Variants in SPIRE2 observed in about 807,000 individuals in gnomAD.
SPIRE2 encodes the protein spire type actin nucleation factor 2, also known as protein spire homolog 2.
In SPIRE2, 76 loss-of-function variants were observed where a neutral mutation model predicts 80.7. The observed-to-expected ratio is 0.94, with a 90% confidence interval of 0.78 to 1.14. The LOEUF is 1.14. SPIRE2 is among the 50% of genes most tolerant of loss of function. The probability of loss-of-function intolerance (pLI) is 0.00; values close to 1 mark genes in which losing one functional copy is unlikely to be tolerated. For missense variants in SPIRE2, 1,196 were observed against 1,015.3 expected (o/e 1.18, Z -2.42); for synonymous variants, 535 against 432.6 (o/e 1.24, Z -2.94).
chr16:89,840,320 G>T (rs2041491982), intron 1 of SPIRE2, among the ~76,000 whole-genome samples: 1 of 150,406 alleles, frequency 6.6e-6, no homozygotes, highest in Non-Finnish European at 1.5e-5. Flanking sequence ...CGCGATCTCG[G>T]CTCACTGCAA....
rs369888117 is a variant in SPIRE2, at chr16:89,830,979, T to G, written c.244+2185T>G. Among the ~76,000 whole-genome samples, 11 of 147,784 alleles carry G rather than the reference T, an allele frequency of 7.4e-5. No homozygotes were observed. In the East Asian group the frequency reaches 9.9e-4, roughly 13 times the overall value. On this transcript the variant is annotated intron_variant, in intron 1 of 14. Transcript: ENST00000378247. Reference sequence around the variant, plus strand: ...GGCTGGAGTGCAGCGGCACAATCTCTGCTCACTGCAAGCTCCACCTCCCGG... The same window carrying G: ...GGCTGGAGTGCAGCGGCACAATCTCGGCTCACTGCAAGCTCCACCTCCCGG...
intron 2 of SPIRE2, among the ~76,000 whole-genome samples, chr16:89,847,877 G>C (rs1001406952): frequency 1.3e-5 from 2 of 152,226 alleles, no homozygotes; most frequent in African/African-American, 4.8e-5. Context: ...GCTCGGGTTG[G>C]AGTTAACCCT....
At position 89,871,086 on chromosome 16, in the gene SPIRE2, G is replaced by GAA. The variant is rs34541989; in HGVS notation, c.*824_*825dup. On this transcript the variant is annotated 3_prime_UTR_variant, in exon 15 of 15. Transcript: ENST00000378247. ...GGGCGACAGAGCGAGACTCTGTCTC[G>GAA]AAAAAAAAAAAGGTCCGTGCCAAGC... 17 of 145,256 alleles carry GAA rather than the reference G, an allele frequency of 1.2e-4. No individual in the cohort carries two copies. Among genetic ancestry groups the GAA allele is most frequent in the East Asian group, 4.0e-4 (2 of 5,024 alleles). The allele number at this position is 145,256 out of a possible 1,614,324, so 9.0% of individuals were successfully genotyped here.
rs1011164792 is a variant in SPIRE2, at chr16:89,863,961, C to G, written c.1778+100C>G. 2.0e-5 allele frequency: 17 copies of G among 860,400 alleles called. No homozygotes were observed. The highest frequency in any genetic ancestry group is 2.4e-5 in the Non-Finnish European group (13 of 536,182). The allele number at this position is 860,400 out of a possible 1,614,324, so 53.3% of individuals were successfully genotyped here. A position where few individuals can be genotyped will look rare whatever the true frequency, so the allele number is the denominator to read the frequency against. ...AACTTCCTGTGATTCCAGGAATGTT[C>G]TAGCATGTTCGATGGCTGATGAGTC... On this transcript the variant is annotated intron_variant, in intron 12 of 14. Transcript: ENST00000378247. This position sits in a 1 kb window ranked among gnomAD's most constrained non-coding sequence, Gnocchi z 4.3.
chr16:89,837,236 A>G (rs1367713703), intron 1 of SPIRE2, among the ~76,000 whole-genome samples: 1 of 152,088 alleles, frequency 6.6e-6, no homozygotes, highest in East Asian at 1.9e-4. Flanking sequence ...ATCTGTAACA[A>G]GTTCCCTGGT....
chr16:89,842,816 C>T (rs201630225), intron 1 of SPIRE2, among the ~76,000 whole-genome samples: 1 of 152,226 alleles, frequency 6.6e-6, no homozygotes, highest in Admixed American at 6.5e-5. Context: ...ACTGCCCAGG[C>T]CCTGGGGACC....
At chr16:89,865,567 AAAAC>A (rs1192374423) in intron 12 of SPIRE2, among the ~76,000 whole-genome samples, 2 of 152,194 alleles carry the variant, frequency 1.3e-5, no homozygotes, top group East Asian at 3.9e-4. Context: ...AGTCAAAAAC[AAAAC>A]AAATAGCAAA....
chr16:89,857,516 C>T (rs533381806), intron 7 of SPIRE2, among the ~76,000 whole-genome samples: 2 of 152,112 alleles, frequency 1.3e-5, no homozygotes, highest in Middle Eastern at 3.4e-3. Context: ...TGACATATTT[C>T]AGCATTTAGA....
In SPIRE2 at chr16:89,870,329, G is replaced by C; in HGVS notation, c.*57G>C. 1 of 1,125,828 alleles carries C rather than the reference G, an allele frequency of 8.9e-7. No homozygotes were observed. Among genetic ancestry groups the C allele is most frequent in the South Asian group, 1.3e-5 (1 of 75,080 alleles). The allele number at this position is 1,125,828 out of a possible 1,614,324, so 69.7% of individuals were successfully genotyped here. On this transcript the variant is annotated 3_prime_UTR_variant, in exon 15 of 15. Coordinates refer to ENST00000378247, the MANE Select transcript of SPIRE2 (RefSeq NM_032451.2). ...CCAGGCAGGCCCTGTATCAGGCTAG[G>C]ACGCTCTGAGCTGTGCATGTACATA...
chr16:89,842,610 T>C (rs2041516036), intron 1 of SPIRE2, among the ~76,000 whole-genome samples: 1 of 152,224 alleles, frequency 6.6e-6, no homozygotes, highest in South Asian at 2.1e-4. Flanking sequence ...AAGCTTCCCA[T>C]GCACTGAGGA....
At chr16:89,869,053 A>AATATATATATATATATATATATATATAT (rs1555601129) in intron 13 of SPIRE2, among the ~76,000 whole-genome samples, 4 of 24,002 alleles carry the variant, frequency 1.7e-4, no homozygotes, top group Non-Finnish European at 2.3e-4. Flanking sequence ...AAAAAAAAAA[A>AATATATATATATATATATATATATATAT]ATATATATAT....
rs2041352617 is a variant in SPIRE2 at position 89,828,901 on chromosome 16, G to C, written c.244+107G>C. On this transcript the variant is annotated intron_variant, in intron 1 of 14. Coordinates refer to ENST00000378247, the MANE Select transcript of SPIRE2 (RefSeq NM_032451.2). This position sits in a 1 kb window ranked among gnomAD's most constrained non-coding sequence, Gnocchi z 5.9. ...GAGAGGCTGCGACCGGTTCTGGAGCGGGAGATCCCCTTCTCTGCGGGACCC... is the reference window on the plus strand; with the variant it reads ...GAGAGGCTGCGACCGGTTCTGGAGCCGGAGATCCCCTTCTCTGCGGGACCC... 1.1e-6 allele frequency: 1 copy of C among 923,632 alleles called. No individual in the cohort carries two copies. The highest frequency in any genetic ancestry group is 1.7e-5 in the African/African-American group (1 of 57,168). The allele number at this position is 923,632 out of a possible 1,614,324, so 57.2% of individuals were successfully genotyped here. A position where few individuals can be genotyped will look rare whatever the true frequency, so the allele number is the denominator to read the frequency against.
At chr16:89,868,607 T>G (rs1389164789) in intron 13 of SPIRE2, among the ~76,000 whole-genome samples, 1 of 152,086 alleles carries the variant, frequency 6.6e-6, no homozygotes, top group Admixed American at 6.6e-5. Context: ...CTCACACCTG[T>G]AATCCCAGCA....
In SPIRE2 at chr16:89,855,633, G is replaced by A. The variant is rs1458975552; in HGVS notation, c.925G>A (p.Asp309Asn). The change falls in exon 6 of 15, where the codon GAC (aspartate) becomes AAC (asparagine). Residue 309 changes from aspartate (D) to asparagine (N), a missense_variant. Coordinates refer to ENST00000378247, the MANE Select transcript of SPIRE2 (RefSeq NM_032451.2). ...GGACATCCCGCCCCGGGTGAAGAAG[G>A]ACGCTCACGAGCTCATCCTGGACTT... ...DGDIPPRVKK[D>N]AHELILDFIR... 2 of 1,612,814 alleles carry A rather than the reference G, an allele frequency of 1.2e-6. No homozygotes were observed. Among genetic ancestry groups the A allele is most frequent in the Non-Finnish European group, 1.7e-6 (2 of 1,179,926 alleles).
intron 3 of SPIRE2, 95 bp from the exon 4 acceptor site, chr16:89,854,191 C>G: frequency 1.8e-6 from 2 of 1,132,764 alleles, no homozygotes; most frequent in East Asian, 5.1e-5. Flanking sequence ...TCGAGTGGAG[C>G]CCCCGTGACG....
intron 1 of SPIRE2, among the ~76,000 whole-genome samples, chr16:89,835,680 GC>G (rs2041441509): frequency 1.3e-5 from 2 of 152,260 alleles, no homozygotes; most frequent in South Asian, 2.1e-4. Flanking sequence ...TAAGGTTGAG[GC>G]CCCATTTAGG....
intron 2 of SPIRE2, chr16:89,849,773 C>T (rs1437321922): frequency 3.7e-5 from 9 of 246,012 alleles, no homozygotes; most frequent in Admixed American, 5.2e-5. Context: ...CAAGTAAAAT[C>T]GAGAAATGCT....
At chr16:89,842,371 C>G (rs2143792553) in intron 1 of SPIRE2, among the ~76,000 whole-genome samples, 1 of 151,942 alleles carries the variant, frequency 6.6e-6, no homozygotes, top group Non-Finnish European at 1.5e-5. Flanking sequence ...TGCCACCATG[C>G]CCAGCTAATT....
At chr16:89,868,773 T>C (rs370154575) in intron 13 of SPIRE2, among the ~76,000 whole-genome samples, 12 of 152,072 alleles carry the variant, frequency 7.9e-5, no homozygotes, top group African/African-American at 2.7e-4. Context: ...GAGAATTACT[T>C]GAACCCGGGA....
Sources: gnomAD v4.1 joint callset for allele counts (sites outside exome capture counted in the v4.1 genomes callset) on GRCh38, gnomAD v4.1.1 for gene constraint, Gnocchi (gnomAD v3.1) non-coding constraint, MANE v1.5 for transcripts, NCBI Gene and HGNC (gene_info 2026-07-23, HGNC 2026-07-21) for gene names.